Variants in KAZN observed in about 807,000 individuals in gnomAD.
KAZN encodes kazrin, periplakin interacting protein, also known as kazrin.
A neutral mutation model predicts 87.4 loss-of-function variants in KAZN; 40 were observed. That is an observed-to-expected ratio of 0.46 (90% CI 0.36 to 0.60). The LOEUF (loss-of-function observed/expected upper bound fraction) is 0.60, where lower values mean the gene tolerates loss of function less well. Among genes scored for constraint, KAZN ranks in the 20% least tolerant of loss-of-function variants. The pLI, the probability that KAZN is intolerant of heterozygous loss-of-function variation, is 0.00. For missense variants in KAZN, 898 were observed against 1,073.9 expected (o/e 0.84, Z 2.29); for synonymous variants, 466 against 458.3 (o/e 1.02, Z -0.22).
rs776902136 is a variant in KAZN at position 14,960,667 on chromosome 1, G to C, written c.227-17G>C. The stretch of plus-strand genomic sequence containing the variant: ...AGAGACGTTCCTGTCCTCTAACCCT[G>C]TGCCCTTCTCCCCTAGTGCTCCTGC... On this transcript the variant is annotated splice_polypyrimidine_tract_variant and intron_variant, in intron 1 of 14. Transcript: ENST00000376030. 1 of 1,556,020 alleles carries C rather than the reference G, an allele frequency of 6.4e-7. No homozygotes were observed. The highest frequency in any genetic ancestry group is 2.4e-5 in the East Asian group (1 of 41,566).
intron 2 of KAZN, among the ~76,000 whole-genome samples, chr1:14,579,161 A>G (rs1318029239): frequency 2.6e-5 from 4 of 152,154 alleles, no homozygotes; most frequent in Non-Finnish European, 5.9e-5. Context: ...TGCCTAAGTG[A>G]CCCTTGGAAC....
chr1:14,117,452 C>A (rs1195880723), intron 1 of KAZN, among the ~76,000 whole-genome samples: 2 of 152,144 alleles, frequency 1.3e-5, no homozygotes, highest in Admixed American at 1.3e-4. Flanking sequence ...GTGAGGCCTA[C>A]CCAGCTACAC....
At chr1:14,527,001 T>C (rs1391176461) in intron 2 of KAZN, among the ~76,000 whole-genome samples, 1 of 152,204 alleles carries the variant, frequency 6.6e-6, no homozygotes, top group Non-Finnish European at 1.5e-5. Context: ...AGGTAGTTAA[T>C]TAAATTATAA....
intron 1 of KAZN, among the ~76,000 whole-genome samples, chr1:13,936,095 A>ATTTTTTTTTTTT (rs1557731876): frequency 9.1e-5 from 3 of 32,902 alleles, no homozygotes; most frequent in African/African-American, 2.0e-4. Context: ...GTACAAGTGC[A>ATTTTTTTTTTTT]GTTTTTTTTT....
At chr1:14,430,936 G>T (rs927798973) in intron 2 of KAZN, among the ~76,000 whole-genome samples, 1 of 152,350 alleles carries the variant, frequency 6.6e-6, no homozygotes, top group East Asian at 1.9e-4. Flanking sequence ...TGTCGCCACA[G>T]CCTCCTTAGG....
intron 2 of KAZN, among the ~76,000 whole-genome samples, chr1:14,401,922 T>C (rs1303647456): frequency 6.6e-6 from 1 of 152,080 alleles, no homozygotes; most frequent in Non-Finnish European, 1.5e-5. Flanking sequence ...TAGGCAAGTC[T>C]TTCCAGTAAA....
chr1:14,589,103 T>G (rs1314015768), intron 2 of KAZN, among the ~76,000 whole-genome samples: 1 of 152,026 alleles, frequency 6.6e-6, no homozygotes, highest in African/African-American at 2.4e-5. Context: ...TGTTTCTTTC[T>G]CAAAAGGAAA....
At chr1:14,759,127 G>GA (rs1306842675) in intron 1 of KAZN, among the ~76,000 whole-genome samples, 15 of 152,140 alleles carry the variant, frequency 9.9e-5, no homozygotes, top group Admixed American at 9.8e-4. Flanking sequence ...AGTCTTGTTA[G>GA]ACTTTAAATA....
At chr1:14,857,822 G>A (rs961428163) in intron 1 of KAZN, among the ~76,000 whole-genome samples, 3 of 122,080 alleles carry the variant, frequency 2.5e-5, no homozygotes, top group African/African-American at 1.3e-4. Context: ...TTTGTAACAG[G>A]TTTCTTGAGA....
chr1:14,632,069 T>C (rs891288601), intron 1 of KAZN, among the ~76,000 whole-genome samples: 1 of 152,152 alleles, frequency 6.6e-6, no homozygotes, highest in Admixed American at 6.5e-5. Context: ...GGGAACAGCT[T>C]ATGTGAAACA....
intron 1 of KAZN, among the ~76,000 whole-genome samples, chr1:13,989,406 G>A (rs1225317952): frequency 5.3e-5 from 8 of 152,050 alleles, no homozygotes; most frequent in Non-Finnish European, 1.2e-4. Context: ...ACCTTCAGGC[G>A]GGAATCAGAG....
intron 1 of KAZN, among the ~76,000 whole-genome samples, chr1:13,963,759 C>CTGTGTGTGTGTGTG (rs70987708): frequency 7.0e-5 from 10 of 141,902 alleles, no homozygotes; most frequent in African/African-American, 2.6e-4. Context: ...CTGCTGTGGT[C>CTGTGTGTGTGTGTG]TGTGTGTGTG....
At chr1:13,898,458 G>A (rs937885053) in intron 1 of KAZN, among the ~76,000 whole-genome samples, 11 of 152,312 alleles carry the variant, frequency 7.2e-5, no homozygotes, top group African/African-American at 2.2e-4. Flanking sequence ...TTTCCAACCC[G>A]TTTCATGTGG....
At chr1:14,170,446 A>G (rs1366207648) in intron 1 of KAZN, among the ~76,000 whole-genome samples, 4 of 152,172 alleles carry the variant, frequency 2.6e-5, no homozygotes, top group Admixed American at 1.3e-4. Flanking sequence ...TAGGGTCAGC[A>G]GTGGCATCCT....
At chr1:14,046,747 G>C (rs931012348) in intron 1 of KAZN, among the ~76,000 whole-genome samples, 1 of 152,208 alleles carries the variant, frequency 6.6e-6, no homozygotes, top group African/African-American at 2.4e-5. Context: ...CTCAGGAAGA[G>C]GTTATGATCA....
chr1:15,022,366 G>A (rs781224993), intron 2 of KAZN, among the ~76,000 whole-genome samples: 20 of 151,996 alleles, frequency 1.3e-4, no homozygotes, highest in African/African-American at 3.4e-4. Context: ...ATGGTTAACC[G>A]GAGTTTTGCG....
intron 2 of KAZN, chr1:14,222,097 C>T (rs1241226701): frequency 6.6e-6 from 1 of 152,150 alleles, no homozygotes; most frequent in African/African-American, 2.4e-5. Flanking sequence ...GGAAATATTT[C>T]ATCTTCTCTC....
chr1:14,315,895 T>TA (rs1317943264), intron 2 of KAZN, among the ~76,000 whole-genome samples: 1 of 152,044 alleles, frequency 6.6e-6, no homozygotes, highest in Non-Finnish European at 1.5e-5. Flanking sequence ...CATTTTTTTT[T>TA]TATATTTTGG....
intron 2 of KAZN, among the ~76,000 whole-genome samples, chr1:14,998,065 G>A (rs560784322): frequency 6.6e-6 from 1 of 152,126 alleles, no homozygotes; most frequent in African/African-American, 2.4e-5. Context: ...CGAACTGTGG[G>A]TCTGTGCCCA....
Sources: gnomAD v4.1 joint callset for allele counts (sites outside exome capture counted in the v4.1 genomes callset) on GRCh38, gnomAD v4.1.1 for gene constraint, MANE v1.5 for transcripts, NCBI Gene and HGNC (gene_info 2026-07-23, HGNC 2026-07-21) for gene names.